Variants in EPHA6 observed in about 807,000 individuals in gnomAD.
EPHA6 encodes EPH receptor A6.
Under a neutral mutation model 112.0 loss-of-function variants are expected in EPHA6, and 50 were observed. That is an observed-to-expected ratio of 0.45 (90% CI 0.36 to 0.56). The LOEUF (loss-of-function observed/expected upper bound fraction) is 0.56, where lower values mean the gene tolerates loss of function less well. Ranked by LOEUF, EPHA6 falls within the 20% of genes least tolerant of loss-of-function variation. EPHA6 has a pLI of 0.00. For synonymous variants in EPHA6, 529 were observed against 490.7 expected, an observed-to-expected ratio of 1.08 and a Z score of -1.03; for missense variants, 1,280 against 1,417.4, an observed-to-expected ratio of 0.90 and a Z score of 1.56.
chr3:97,311,246 G>T (rs934484092), intron 5 of EPHA6, among the ~76,000 whole-genome samples: 1 of 151,670 alleles, frequency 6.6e-6, no homozygotes, highest in Non-Finnish European at 1.5e-5. Context: ...GGATAAAGGT[G>T]TTAAAATGGA....
In EPHA6 at chr3:97,669,595, T is replaced by TAA. The variant is rs77846776; in HGVS notation, c.2784+31528_2784+31529dup. 3.8e-3 allele frequency among the ~76,000 whole-genome samples: 510 copies of TAA among 135,826 alleles called. 4 individuals carry two copies. The highest frequency in any genetic ancestry group is 0.012 in the African/African-American group (433 of 36,882). 89.1% of individuals were successfully genotyped at this position (135,826 alleles called of 152,430 possible). A position where few individuals can be genotyped will look rare whatever the true frequency, so the allele number is the denominator to read the frequency against. ...TGGGCAACATAGTGATATCCCATCT[T>TAA]AAAAAAAAAAAAAAAAGAAGAAGTA... On this transcript the variant is annotated intron_variant, in intron 14 of 17. Transcript: ENST00000389672.
chr3:97,730,771 G>A (rs1190881035), intron 15 of EPHA6, among the ~76,000 whole-genome samples: 1 of 152,086 alleles, frequency 6.6e-6, no homozygotes, highest in African/African-American at 2.4e-5. Flanking sequence ...TCACATATCT[G>A]ACAATTGGCA....
intron 12 of EPHA6, among the ~76,000 whole-genome samples, chr3:97,608,000 AT>A (rs947270263): frequency 6.6e-6 from 1 of 151,066 alleles, no homozygotes; most frequent in African/African-American, 2.4e-5. Flanking sequence ...GTAATCATGG[AT>A]TGTAAAGTTG....
At chr3:97,164,210 A>G (rs1046980124) in intron 3 of EPHA6, among the ~76,000 whole-genome samples, 11 of 152,164 alleles carry the variant, frequency 7.2e-5, no homozygotes, top group African/African-American at 2.2e-4. Flanking sequence ...AGTATCACAT[A>G]TAGATATTTT....
intron 5 of EPHA6, among the ~76,000 whole-genome samples, chr3:97,255,676 C>A (rs898542413): frequency 6.6e-6 from 1 of 152,142 alleles, no homozygotes; most frequent in Admixed American, 6.5e-5. Flanking sequence ...ATAATTAGCA[C>A]TTTAAATGTA....
At chr3:96,906,231 TTCTC>T (rs1030743095) in intron 2 of EPHA6, among the ~76,000 whole-genome samples, 11 of 151,948 alleles carry the variant, frequency 7.2e-5, no homozygotes, top group Non-Finnish European at 1.5e-4. Context: ...TCCCCCTACT[TTCTC>T]TCTCTGTCTC....
chr3:97,323,356 T>C (rs1044227665), intron 5 of EPHA6, among the ~76,000 whole-genome samples: 1 of 151,848 alleles, frequency 6.6e-6, no homozygotes, highest in African/African-American at 2.4e-5. Flanking sequence ...GAGAAAAAAC[T>C]AAATAAATAT....
At position 97,389,582 on chromosome 3, in the gene EPHA6, GTTTAA is replaced by G. The variant is rs201607247; in HGVS notation, c.1607-15567_1607-15563del. ...AACCCTGTAAATGTATTTGTACAAG[GTTTAA>G]AAGGTTTTACAAGGTTTAAAAACAT... On this transcript the variant is annotated intron_variant, in intron 5 of 17. Transcript: ENST00000389672. 5.5e-3 allele frequency among the ~76,000 whole-genome samples: 837 copies of G among 152,100 alleles called. 10 individuals are homozygous for G. Among genetic ancestry groups the G allele is most frequent in the African/African-American group, 0.019 (806 of 41,490 alleles).
At chr3:96,884,263 G>T (rs1352684559) in intron 2 of EPHA6, among the ~76,000 whole-genome samples, 1 of 151,946 alleles carries the variant, frequency 6.6e-6, no homozygotes, top group South Asian at 2.1e-4. Context: ...AAGAATGATG[G>T]TGGTTTTTTG....
At chr3:97,475,245 T>C in intron 7 of EPHA6, 107 bp from the exon 8 acceptor site, 2 of 790,508 alleles carry the variant, frequency 2.5e-6, no homozygotes, top group South Asian at 3.6e-5. Context: ...CCAAATATAC[T>C]GAGCTTGGCA....
chr3:97,365,717 C>T (rs2084685945), intron 5 of EPHA6, among the ~76,000 whole-genome samples: 1 of 152,088 alleles, frequency 6.6e-6, no homozygotes. Flanking sequence ...CAATTTTTTA[C>T]TCATCTATTT....
intron 5 of EPHA6, among the ~76,000 whole-genome samples, chr3:97,341,346 T>C (rs1180113699): frequency 2.0e-5 from 3 of 151,288 alleles, no homozygotes; most frequent in Non-Finnish European, 4.4e-5. Flanking sequence ...GGTATTCTGC[T>C]CATGCTTTTC....
intron 5 of EPHA6, among the ~76,000 whole-genome samples, chr3:97,326,616 G>C (rs2108802632): frequency 6.6e-6 from 1 of 152,154 alleles, no homozygotes; most frequent in Admixed American, 6.6e-5. Flanking sequence ...TTTATAACTT[G>C]AAGCAGAAAT....
intron 3 of EPHA6, among the ~76,000 whole-genome samples, chr3:97,010,766 C>T (rs2044057303): frequency 6.6e-6 from 1 of 152,164 alleles, no homozygotes; most frequent in Non-Finnish European, 1.5e-5. Flanking sequence ...TCAAGTGATT[C>T]TTGTGCCTCA....
intron 3 of EPHA6, among the ~76,000 whole-genome samples, chr3:97,159,963 TA>T (rs1421783985): frequency 6.6e-6 from 1 of 152,188 alleles, no homozygotes; most frequent in Admixed American, 6.5e-5. Context: ...ACCAGGTAAC[TA>T]GCTGATCACC....
At chr3:96,980,739 G>T (rs548728871) in intron 2 of EPHA6, among the ~76,000 whole-genome samples, 1 of 152,258 alleles carries the variant, frequency 6.6e-6, no homozygotes, top group East Asian at 1.9e-4. Flanking sequence ...GCAGTGGTTT[G>T]TATTTCTTTT....
intron 11 of EPHA6, chr3:97,559,610 A>G (rs774127683): frequency 3.1e-5 from 14 of 455,394 alleles, no homozygotes; most frequent in Non-Finnish European, 6.2e-5. Flanking sequence ...AAATGATGAC[A>G]TATATCCTCA....
At chr3:97,330,344 A>G (rs1160975237) in intron 5 of EPHA6, among the ~76,000 whole-genome samples, 1 of 152,026 alleles carries the variant, frequency 6.6e-6, no homozygotes, top group Admixed American at 6.6e-5. Flanking sequence ...GTTTTTTCCA[A>G]TTCTGTGAAG....
chr3:97,286,480 T>A (rs1210171107), intron 5 of EPHA6, among the ~76,000 whole-genome samples: 1 of 152,238 alleles, frequency 6.6e-6, no homozygotes, highest in Non-Finnish European at 1.5e-5. Flanking sequence ...CAGCACTATT[T>A]ATTAAAGAAG....
Sources: allele counts gnomAD v4.1 joint callset (sites outside exome capture counted in the v4.1 genomes callset), GRCh38; gene constraint gnomAD v4.1.1; transcripts MANE v1.5; gene names NCBI Gene and HGNC (gene_info 2026-07-23, HGNC 2026-07-21).